RAF1: variants seen among roughly 807,000 people sequenced by gnomAD.
The protein encoded by RAF1 is RAF proto-oncogene serine/threonine-protein kinase.
Under a neutral mutation model 81.1 loss-of-function variants are expected in RAF1, and 27 were observed. The observed-to-expected ratio is 0.33, with a 90% CI of 0.25 to 0.46. The LOEUF (loss-of-function observed/expected upper bound fraction) is 0.46. RAF1 is among the 20% of genes least tolerant of loss of function. RAF1 has a pLI of 1.00. For synonymous variants in RAF1, 298 were observed against 294.0 expected (o/e 1.01, Z -0.14); for missense variants, 598 against 826.0 (o/e 0.72, Z 3.38).
At chr3:12,585,535 T>C in intron 15 of RAF1, 146 bp downstream of exon 14, 2 of 1,393,440 alleles carry the variant, frequency 1.4e-6, no homozygotes, top group African/African-American at 1.4e-5. Context: ...CTCAAGAAAA[T>C]CTACAATTGC....
intron 1 of RAF1, among the ~76,000 whole-genome samples, chr3:12,620,046 C>T (rs1270731123): frequency 1.3e-5 from 2 of 152,124 alleles, no homozygotes; most frequent in Non-Finnish European, 2.9e-5. Flanking sequence ...CGCACCACTG[C>T]ACTCCAGCCT....
At chr3:12,609,048 A>G in intron 4 of RAF1, 125 bp from the exon 5 acceptor site, 1 of 1,184,182 alleles carries the variant, frequency 8.4e-7, no homozygotes, top group Non-Finnish European at 1.2e-6. Context: ...TACAGAATTC[A>G]TAATCACAAA....
rs1398449350 is a variant in RAF1 at position 12,583,659 on chromosome 3, CTG to C, written c.*853_*854del. 1 of 233,214 alleles carries C rather than the reference CTG, an allele frequency of 4.3e-6. No homozygotes were observed. Among genetic ancestry groups the C allele is most frequent in the Non-Finnish European group, 8.5e-6 (1 of 117,956 alleles). 14.4% of individuals were successfully genotyped at this position (233,214 alleles called of 1,614,324 possible). On this transcript the variant is annotated 3_prime_UTR_variant, in exon 18 of 18. Coordinates refer to ENST00000442415, the MANE Select transcript of RAF1 (RefSeq NM_001354689.3). ...ACATAATTGAGGGACCATCAGATAACTGTATTTTGTCAGGTGCAATAAAAACA... is the reference window on the plus strand; with the variant it reads ...ACATAATTGAGGGACCATCAGATAACTATTTTGTCAGGTGCAATAAAAACA...
At chr3:12,637,295 G>A (rs956000446) in intron 1 of RAF1, among the ~76,000 whole-genome samples, 2 of 151,974 alleles carry the variant, frequency 1.3e-5, no homozygotes, top group African/African-American at 4.8e-5. Context: ...ACTGAATACA[G>A]AGTATTGTAT....
Position 12,590,572 on chromosome 3 carries a change from G to A in RAF1, c.1430+226C>T. ...AACTACTGGCCTCAAGTGATCCACT[G>A]GCCTTGGCCTCCCAAAGTGCTGGGA... On this transcript the variant is annotated intron_variant, in intron 13 of 17. Coordinates refer to ENST00000442415, the MANE Select transcript of RAF1 (RefSeq NM_001354689.3). 7.2e-6 allele frequency: 4 copies of A among 557,264 alleles called. No individual in the cohort carries two copies. In the South Asian group the frequency reaches 7.8e-5, roughly 11 times the overall value. 34.5% of individuals were successfully genotyped at this position (557,264 alleles called of 1,614,324 possible).
chr3:12,633,843 G>A (rs1435866620), intron 1 of RAF1, among the ~76,000 whole-genome samples: 14 of 149,904 alleles, frequency 9.3e-5, no homozygotes, highest in Non-Finnish European at 1.9e-4. Flanking sequence ...GCTGAGGCAG[G>A]AGAATCCCTT....
At chr3:12,638,664 A>G (rs1409204488) in intron 1 of RAF1, among the ~76,000 whole-genome samples, 1 of 152,158 alleles carries the variant, frequency 6.6e-6, no homozygotes, top group African/African-American at 2.4e-5. Context: ...AATATTTTCT[A>G]CCTACTCACA....
intron 13 of RAF1, 37 bp downstream of exon 12, chr3:12,590,761 G>A (rs2058488531): frequency 6.3e-7 from 1 of 1,582,200 alleles, no homozygotes; most frequent in Non-Finnish European, 8.7e-7. Flanking sequence ...CAAATTTGAT[G>A]CCTGGGTCCC....
At chr3:12,652,206 A>C (rs966125978) in intron 1 of RAF1, among the ~76,000 whole-genome samples, 12 of 150,730 alleles carry the variant, frequency 8.0e-5, no homozygotes, top group African/African-American at 2.9e-4. Flanking sequence ...ACAGAGCAAG[A>C]CTCCATCTCA....
chr3:12,649,579 C>T (rs1165143208), intron 1 of RAF1, among the ~76,000 whole-genome samples: 4 of 112,938 alleles, frequency 3.5e-5, no homozygotes, highest in African/African-American at 1.6e-4. Flanking sequence ...AGCATGGGGG[C>T]CAGAGACTGT....
Position 12,584,208 on chromosome 3 carries a change from TG to T in RAF1, c.*305del. Reference sequence around the variant, plus strand: ...TACTCATGTAGCCAACAGCTGGGGCTGGGCCCCTGCTTTTTGTACTACCATC... The same window carrying T: ...TACTCATGTAGCCAACAGCTGGGGCTGGCCCCTGCTTTTTGTACTACCATC... On this transcript the variant is annotated 3_prime_UTR_variant, in exon 18 of 18. Transcript: ENST00000442415. The T allele has an allele frequency of 2.2e-6, 1 of 459,118 alleles. No individual in the cohort carries two copies. Among genetic ancestry groups the T allele is most frequent in the Non-Finnish European group, 4.0e-6 (1 of 247,686 alleles). 28.4% of individuals were successfully genotyped at this position (459,118 alleles called of 1,614,324 possible). A position where few individuals can be genotyped will look rare whatever the true frequency, so the allele number is the denominator to read the frequency against.
intron 12 of RAF1, 107 bp downstream of exon 11, chr3:12,591,601 C>G: frequency 2.1e-6 from 2 of 954,538 alleles, no homozygotes; most frequent in South Asian, 2.7e-5. Flanking sequence ...ACAGTGAGTC[C>G]TAACTGCCTG....
chr3:12,661,800 G>C (rs1321122200), intron 1 of RAF1, among the ~76,000 whole-genome samples: 4 of 152,186 alleles, frequency 2.6e-5, no homozygotes, highest in Non-Finnish European at 5.9e-5. Context: ...ATAACTTTAA[G>C]AGAATTTTTT....
chr3:12,640,171 G>A (rs966441304), intron 1 of RAF1, among the ~76,000 whole-genome samples: 15 of 149,784 alleles, frequency 1.0e-4, no homozygotes, highest in African/African-American at 3.5e-4. Flanking sequence ...GCCATATGTA[G>A]AAACTGAAAC....
rs137969949 is a variant in RAF1, at chr3:12,616,165, C to T, written c.207+2350G>A. Among the ~76,000 whole-genome samples, 32 of 152,230 alleles carry T rather than the reference C, an allele frequency of 2.1e-4. No individual in the cohort carries two copies. The East Asian group carries it at 5.4e-3, about 26-fold the overall frequency. On this transcript the variant is annotated intron_variant, in intron 2 of 17. Coordinates refer to ENST00000442415, the MANE Select transcript of RAF1 (RefSeq NM_001354689.3). ...GTCAGGAAAGAGGATCAAAAAAGTA[C>T]AGAACTTGTCTAAATGATACAGCTA...
chr3:12,591,824 G>A (rs1231147781), intron 11 of RAF1, 32 bp from the exon 11 acceptor site: 26 of 1,478,308 alleles, frequency 1.8e-5, no homozygotes, highest in Non-Finnish European at 2.4e-5. Context: ...AGTGCAATCA[G>A]TTGAATGATC....
intron 2 of RAF1, among the ~76,000 whole-genome samples, chr3:12,613,902 G>C (rs551120157): frequency 6.6e-6 from 1 of 152,310 alleles, no homozygotes; most frequent in South Asian, 2.1e-4. Context: ...ACTTGTAACA[G>C]ATTAGTCGAG....
At chr3:12,641,202 G>T (rs1406813526) in intron 1 of RAF1, among the ~76,000 whole-genome samples, 1 of 136,328 alleles carries the variant, frequency 7.3e-6, no homozygotes, top group Non-Finnish European at 1.6e-5. Flanking sequence ...ATCACACACC[G>T]GGGCCTGTCA....
At chr3:12,589,412 GA>G (rs2058431369) in intron 13 of RAF1, 1 of 152,144 alleles carries the variant, frequency 6.6e-6, no homozygotes, top group Non-Finnish European at 1.5e-5. Context: ...GACAGTGTGA[GA>G]ATTTATGTAG....
Sources: gnomAD v4.1 joint callset for allele counts (sites outside exome capture counted in the v4.1 genomes callset) on GRCh38, gnomAD v4.1.1 for gene constraint, MANE v1.5 for transcripts, NCBI Gene and HGNC (gene_info 2026-07-23, HGNC 2026-07-21) for gene names.